SCYL2: variants seen among roughly 807,000 people sequenced by gnomAD.
SCYL2 encodes the protein SCY1 like pseudokinase 2, also known as SCY1-like protein 2.
Under a neutral mutation model 100.4 loss-of-function variants are expected in SCYL2, and 36 were observed. That is an observed-to-expected ratio of 0.36 (90% CI 0.27 to 0.47). SCYL2 has a LOEUF of 0.47. SCYL2 is among the 20% of genes least tolerant of loss of function. The pLI is 1.00. For synonymous variants in SCYL2, 330 were observed against 359.2 expected (o/e 0.92, Z 0.92); for missense variants, 902 against 1,083.9 (o/e 0.83, Z 2.36).
chr12:100,285,701 A>G (rs1416296157), intron 2 of SCYL2, among the ~76,000 whole-genome samples: 1 of 152,208 alleles, frequency 6.6e-6, no homozygotes, highest in Non-Finnish European at 1.5e-5. Flanking sequence ...TTATACCATT[A>G]TATTTCTGTT....
chr12:100,306,683 G>A (rs373386710), intron 4 of SCYL2, among the ~76,000 whole-genome samples: 1 of 152,142 alleles, frequency 6.6e-6, no homozygotes, highest in African/African-American at 2.4e-5. Flanking sequence ...AGGGTATTCA[G>A]ATAGGAAGAG....
At position 100,338,939 on chromosome 12, in the gene SCYL2, A is replaced by G; in HGVS notation, c.2557A>G (p.Met853Val). The G allele has an allele frequency of 1.2e-6, 2 of 1,614,172 alleles. No individual in the cohort carries two copies. Among genetic ancestry groups the G allele is most frequent in the Non-Finnish European group, 1.7e-6 (2 of 1,179,992 alleles). Reference sequence around the variant, plus strand: ...TGGCCCTCAGAAACCCAAAGTTAGCATGAACCAGTTATCACAACAGAAACC... The same window carrying G: ...TGGCCCTCAGAAACCCAAAGTTAGCGTGAACCAGTTATCACAACAGAAACC... ...LFGPQKPKVSMNQLSQQKPNQ... is the reference protein window; with the variant it reads ...LFGPQKPKVSVNQLSQQKPNQ... Residue 853 changes from methionine to valine, a missense_variant, in exon 18 of 18, where the codon ATG (methionine) becomes GTG (valine). Met to Val is a conservative substitution (Grantham distance 21). Transcript: ENST00000360820.
rs1438444034 is a variant in SCYL2, at chr12:100,335,866, C to G, written c.1985C>G (p.Ser662Cys). 17 of 1,613,168 alleles carry G rather than the reference C, an allele frequency of 1.1e-5. No individual in the cohort carries two copies. Among genetic ancestry groups the G allele is most frequent in the Non-Finnish European group, 1.4e-5 (17 of 1,179,430 alleles). The change falls in exon 16 of 18, where the codon TCC becomes TGC. Residue 662 changes from serine to cysteine, a missense_variant. Ser to Cys is a moderately radical substitution (Grantham distance 112). Coordinates refer to ENST00000360820, the MANE Select transcript of SCYL2 (RefSeq NM_017988.6). Reference sequence around the variant, plus strand: ...GCAGACCTTCTGACTGGCAGTGAGTCCGAAAATAAAGAGGACGGGTTACAG... The same window carrying G: ...GCAGACCTTCTGACTGGCAGTGAGTGCGAAAATAAAGAGGACGGGTTACAG... ...IGADLLTGSE[S>C]ENKEDGLQNK...
At chr12:100,327,967 CT>C (rs1566369831) in intron 12 of SCYL2, among the ~76,000 whole-genome samples, 1 of 151,980 alleles carries the variant, frequency 6.6e-6, no homozygotes, top group Non-Finnish European at 1.5e-5. Context: ...TCGCATGAAT[CT>C]TTTGTGCAGA....
intron 1 of SCYL2, among the ~76,000 whole-genome samples, chr12:100,279,113 C>A (rs939689108): frequency 6.6e-6 from 1 of 152,224 alleles, no homozygotes; most frequent in Non-Finnish European, 1.5e-5. Context: ...CAGTCCCCAA[C>A]CTTTTTGGCA....
chr12:100,340,058 A>G lies in SCYL2; in HGVS notation c.*886A>G, dbSNP rs1382455736. On this transcript the variant is annotated 3_prime_UTR_variant, in exon 18 of 18. Transcript: ENST00000360820. ...TTGCATTTTCAAAAGAAGATTTGTA[A>G]GAATTAAACTATATTTATGAGTAAA... is the stretch of plus-strand genomic sequence containing the variant. 6.6e-6 allele frequency: 1 copy of G among 152,602 alleles called. No homozygotes were observed. Among genetic ancestry groups the G allele is most frequent in the African/African-American group, 2.4e-5 (1 of 41,450 alleles). The allele number at this position is 152,602 out of a possible 1,614,324, so 9.5% of individuals were successfully genotyped here.
intron 4 of SCYL2, among the ~76,000 whole-genome samples, chr12:100,310,447 G>A (rs777510821): frequency 6.6e-6 from 1 of 152,204 alleles, no homozygotes; most frequent in South Asian, 2.1e-4. Context: ...TGGAATGTAT[G>A]TTCAAGTCCT....
At chr12:100,325,984 T>C (rs896665022) in intron 11 of SCYL2, among the ~76,000 whole-genome samples, 1 of 152,156 alleles carries the variant, frequency 6.6e-6, no homozygotes, top group African/African-American at 2.4e-5. Context: ...TACTGTTTTT[T>C]GAAAACTGGA....
chr12:100,314,555 A>G lies in SCYL2; in HGVS notation c.1036A>G (p.Asn346Asp). 1 of 1,600,716 alleles carries G rather than the reference A, an allele frequency of 6.2e-7. No individual in the cohort carries two copies. Among genetic ancestry groups the G allele is most frequent in the Non-Finnish European group, 8.5e-7 (1 of 1,174,764 alleles). ...TTTTGATACCTTATTCCAAAGAGAT[A>G]ATCTTCAGAAATCACAGTTTTTCAA... ...QYFDTLFQRD[N>D]LQKSQFFKGL... Residue 346 changes from asparagine to aspartate, a missense_variant, in exon 8 of 18, where the codon AAT (asparagine) becomes GAT (aspartate). Transcript: ENST00000360820.
In SCYL2 at chr12:100,312,343, C is replaced by T. The variant is rs187054994; in HGVS notation, c.631-89C>T. 1.8e-5 allele frequency: 18 copies of T among 982,080 alleles called. No homozygotes were observed. The East Asian group carries it at 4.1e-4, about 22-fold the overall frequency. The allele number at this position is 982,080 out of a possible 1,614,324, so 60.8% of individuals were successfully genotyped here. A position where few individuals can be genotyped will look rare whatever the true frequency, so the allele number is the denominator to read the frequency against. On this transcript the variant is annotated intron_variant, in intron 5 of 17. Coordinates refer to ENST00000360820, the MANE Select transcript of SCYL2 (RefSeq NM_017988.6). ...GTGATGGCATTTTTACTTGCATGACCGAGTAGAAATTTAAAGATAGATTAC... is the reference window on the plus strand; with the variant it reads ...GTGATGGCATTTTTACTTGCATGACTGAGTAGAAATTTAAAGATAGATTAC...
chr12:100,334,822 T>A (rs1952255622), intron 14 of SCYL2, among the ~76,000 whole-genome samples: 1 of 152,048 alleles, frequency 6.6e-6, no homozygotes, highest in Non-Finnish European at 1.5e-5. Context: ...TTTATTAAAA[T>A]CGAAGCCCCA....
At chr12:100,280,316 A>G (rs1241591474) in intron 1 of SCYL2, among the ~76,000 whole-genome samples, 1 of 152,248 alleles carries the variant, frequency 6.6e-6, no homozygotes, top group African/African-American at 2.4e-5. Context: ...TTGTAATAAC[A>G]TTTTCATAAC....
intron 4 of SCYL2, among the ~76,000 whole-genome samples, chr12:100,303,207 G>A (rs569836912): frequency 3.4e-4 from 52 of 152,136 alleles, no homozygotes; most frequent in African/African-American, 1.1e-3. Context: ...CCTTTAGCTC[G>A]GAGGAGTTTG....
At position 100,298,453 on chromosome 12, in the gene SCYL2, C is replaced by T. The variant is rs983168159; in HGVS notation, c.480+278C>T. Among the ~76,000 whole-genome samples the T allele has an allele frequency of 3.5e-4, 54 of 152,146 alleles. 1 individual carries two copies. ...TTCCTTTTGATTCTTAAACTGAATA[C>T]ATTTTATAAAACATTCAATTGAAAT... On this transcript the variant is annotated intron_variant, in intron 4 of 17. Transcript: ENST00000360820.
intron 16 of SCYL2, 58 bp from the exon 17 acceptor site, chr12:100,337,329 G>GT: frequency 6.3e-7 from 1 of 1,589,180 alleles, no homozygotes; most frequent in South Asian, 1.2e-5. Context: ...ATTATCTTTT[G>GT]TTTTACAAAT....
intron 10 of SCYL2, among the ~76,000 whole-genome samples, chr12:100,321,941 T>G (rs925013584): frequency 6.6e-6 from 1 of 151,108 alleles, no homozygotes; most frequent in African/African-American, 2.4e-5. Flanking sequence ...TGCCAGCTAC[T>G]TGGGAGGCTG....
At chr12:100,271,477 G>T (rs991350463) in intron 1 of SCYL2, among the ~76,000 whole-genome samples, 8 of 152,118 alleles carry the variant, frequency 5.3e-5, no homozygotes, top group African/African-American at 1.9e-4. Context: ...TATAAATGAT[G>T]ATATAAATGG....
chr12:100,326,765 A>T lies in SCYL2; in HGVS notation c.1642+11A>T. 8.1e-6 allele frequency: 13 copies of T among 1,601,266 alleles called. No homozygotes were observed. Among genetic ancestry groups the T allele is most frequent in the Non-Finnish European group, 1.1e-5 (13 of 1,176,196 alleles). ...TCATGGGAATTTTAGGTAGCTGAAA[A>T]TTTAATGTCATTTGATGCTATTTTA... is the stretch of plus-strand genomic sequence containing the variant. On this transcript the variant is annotated intron_variant, in intron 12 of 17. Transcript: ENST00000360820.
At position 100,283,146 on chromosome 12, in the gene SCYL2, A is replaced by G. The variant is rs769583420; in HGVS notation, c.176A>G (p.Gln59Arg). The G allele has an allele frequency of 3.7e-6, 6 of 1,600,362 alleles. No individual in the cohort carries two copies. In the East Asian group the frequency reaches 1.1e-4, roughly 30 times the overall value. The change falls in exon 2 of 18, where the codon CAG becomes CGG. Residue 59 changes from glutamine to arginine, a missense_variant and splice_region_variant. Transcript: ENST00000360820. Reference sequence around the variant, plus strand: ...AATGGCACAAAAAAGTCAACAAAGCAGGTGAGTTTTAATTCAGCATCCACT... The same window carrying G: ...AATGGCACAAAAAAGTCAACAAAGCGGGTGAGTTTTAATTCAGCATCCACT... The part of the protein sequence containing the change: ...IFNGTKKSTK[Q>R]EVAVFVFDKK...
Sources: gnomAD v4.1 joint callset for allele counts (sites outside exome capture counted in the v4.1 genomes callset) on GRCh38, gnomAD v4.1.1 for gene constraint, MANE v1.5 for transcripts, NCBI Gene and HGNC (gene_info 2026-07-23, HGNC 2026-07-21) for gene names.